RPH3AL: variants seen among roughly 807,000 people sequenced by gnomAD.
The protein encoded by RPH3AL is rabphilin 3A like (without C2 domains), also known as rab effector Noc2.
A neutral mutation model predicts 43.1 loss-of-function variants in RPH3AL; 38 were observed. That is an observed-to-expected ratio of 0.88 (90% CI 0.68 to 1.15). The LOEUF is 1.15. Ranked by LOEUF, RPH3AL falls within the 50% of genes most tolerant of loss-of-function variation. The pLI is 0.00. For synonymous variants in RPH3AL, 189 were observed against 176.3 expected (o/e 1.07, Z -0.57); for missense variants, 462 against 423.2 (o/e 1.09, Z -0.81).
chr17:307,090 C>A (rs373185680), intron 5 of RPH3AL, among the ~76,000 whole-genome samples: 6 of 152,258 alleles, frequency 3.9e-5, no homozygotes, highest in African/African-American at 1.4e-4. Context: ...AGGTCCTCCC[C>A]ACGGCAGGCC....
At chr17:270,378 G>C (rs1044933473) in intron 6 of RPH3AL, among the ~76,000 whole-genome samples, 2 of 152,204 alleles carry the variant, frequency 1.3e-5, no homozygotes, top group African/African-American at 4.8e-5. Context: ...TGCTGGGCTG[G>C]GGCTCGGCTA....
chr17:332,201 A>G (rs1276740196), intron 2 of RPH3AL: 1 of 317,022 alleles, frequency 3.2e-6, no homozygotes, highest in Admixed American at 4.3e-5. Context: ...TCCGTAAACT[A>G]GAGACGTGAT....
intron 2 of RPH3AL, chr17:331,498 G>A (rs1457262925): frequency 9.4e-6 from 11 of 1,164,084 alleles, no homozygotes; most frequent in East Asian, 5.9e-5. Flanking sequence ...CACCCTGGCC[G>A]TGGCTGGCAC....
At chr17:253,456 C>G (rs914474603) in intron 6 of RPH3AL, among the ~76,000 whole-genome samples, 1 of 152,158 alleles carries the variant, frequency 6.6e-6, no homozygotes, top group African/African-American at 2.4e-5. Flanking sequence ...TGCTCCTTTG[C>G]GGCACCGGAC....
At chr17:308,963 G>A (rs35621498) in intron 5 of RPH3AL, among the ~76,000 whole-genome samples, 79,989 of 151,912 alleles carry the variant, frequency 0.53, 22,884 homozygotes, top group East Asian at 0.68. Flanking sequence ...GTCACAAATC[G>A]CCACCATCTC....
rs189875325 is a variant in RPH3AL at position 317,952 on chromosome 17, G to T, written c.351+1468C>A. Among the ~76,000 whole-genome samples the T allele has an allele frequency of 8.3e-3, 861 of 103,118 alleles. 6 individuals carry two copies. Among genetic ancestry groups the T allele is most frequent in the Admixed American group, 0.018 (129 of 7,190 alleles). The allele number at this position is 103,118 out of a possible 152,430, so 67.6% of individuals were successfully genotyped here. On this transcript the variant is annotated intron_variant, in intron 5 of 9. Transcript: ENST00000331302. The stretch of plus-strand genomic sequence containing the variant: ...CATCCTCCACCCTCCACCCTCTGTT[G>T]TTTCTTCCCAGGGTTTATTATTTCC...
intron 1 of RPH3AL, among the ~76,000 whole-genome samples, chr17:343,448 CTCT>C (rs1267424330): frequency 6.6e-6 from 1 of 152,232 alleles, no homozygotes; most frequent in East Asian, 1.9e-4. Context: ...CTGATGAATT[CTCT>C]TCTTCTGACA....
At chr17:312,109 C>T (rs2043659969) in intron 5 of RPH3AL, among the ~76,000 whole-genome samples, 1 of 151,940 alleles carries the variant, frequency 6.6e-6, no homozygotes, top group Non-Finnish European at 1.5e-5. Flanking sequence ...AGAGACCAGC[C>T]CGGGCAACAA....
intron 5 of RPH3AL, among the ~76,000 whole-genome samples, chr17:301,486 G>T (rs1598047870): frequency 6.6e-6 from 1 of 152,098 alleles, no homozygotes; most frequent in African/African-American, 2.4e-5. Flanking sequence ...GTATTTTTTT[G>T]TAGAGAGGGG....
chr17:219,391 G>T (rs1219625911), intron 8 of RPH3AL, among the ~76,000 whole-genome samples: 1 of 151,060 alleles, frequency 6.6e-6, no homozygotes, highest in Non-Finnish European at 1.5e-5. Flanking sequence ...TAGAGGTGGG[G>T]TTTCACCATG....
At chr17:315,163 G>A (rs2043917946) in intron 5 of RPH3AL, among the ~76,000 whole-genome samples, 1 of 18,394 alleles carries the variant, frequency 5.4e-5, no homozygotes, top group Non-Finnish European at 9.9e-5. Context: ...TAGTCCCTGT[G>A]CCCCCACCTC....
chr17:307,310 T>A (rs868948680), intron 5 of RPH3AL, among the ~76,000 whole-genome samples: 3 of 2,132 alleles, frequency 1.4e-3, no homozygotes, highest in South Asian at 0.028. Context: ...CGGCAGGTCC[T>A]CCCCACGGCA....
rs369084559 is a variant in RPH3AL at position 330,047 on chromosome 17, C to T, written c.-36-2468G>A. 3.3e-5 allele frequency among the ~76,000 whole-genome samples: 5 copies of T among 152,312 alleles called. No homozygotes were observed. In the South Asian group the frequency reaches 1.0e-3, roughly 32 times the overall value. On this transcript the variant is annotated intron_variant, in intron 2 of 9. Transcript: ENST00000331302. The stretch of plus-strand genomic sequence containing the variant: ...GAAACACTTTTGACCTGTGGATCTC[C>T]GGAGGGTGTTGGGGGACCCCCAGAG...
chr17:324,643 T>C (rs12602158), intron 3 of RPH3AL, among the ~76,000 whole-genome samples: 52,268 of 151,610 alleles, frequency 0.34, 9,423 homozygotes, highest in East Asian at 0.45. Context: ...TCCCTAAACC[T>C]TCTGTCCACC....
chr17:231,453 T>G (rs2041229336), intron 7 of RPH3AL, among the ~76,000 whole-genome samples: 1 of 152,218 alleles, frequency 6.6e-6, no homozygotes, highest in South Asian at 2.1e-4. Flanking sequence ...GAGCCCCACG[T>G]GCAAGGCCAG....
intron 5 of RPH3AL, among the ~76,000 whole-genome samples, chr17:297,973 C>G (rs1263479456): frequency 6.6e-6 from 1 of 152,168 alleles, no homozygotes; most frequent in Non-Finnish European, 1.5e-5. Context: ...GCCCCCACCT[C>G]TCTCTAGTCC....
chr17:238,160 GAAGAGAGA>G (rs1051312466), intron 7 of RPH3AL, among the ~76,000 whole-genome samples: 2 of 127,094 alleles, frequency 1.6e-5, no homozygotes, highest in Admixed American at 8.4e-5. Flanking sequence ...AAGAAAGAAA[GAAGAGAGA>G]AAGAGAGAGA....
intron 5 of RPH3AL, among the ~76,000 whole-genome samples, chr17:302,133 C>T (rs1404570904): frequency 2.0e-5 from 3 of 152,240 alleles, no homozygotes; most frequent in Admixed American, 2.0e-4. Context: ...CGGCTCCCAG[C>T]CCAGCTGCTG....
intron 6 of RPH3AL, among the ~76,000 whole-genome samples, chr17:259,686 A>G (rs2042153897): frequency 6.6e-6 from 1 of 152,176 alleles, no homozygotes; most frequent in South Asian, 2.1e-4. Flanking sequence ...ATGCCATTTA[A>G]TGAGAAAAGA....
Sources: gnomAD v4.1 joint callset for allele counts (sites outside exome capture counted in the v4.1 genomes callset) on GRCh38, gnomAD v4.1.1 for gene constraint, MANE v1.5 for transcripts, NCBI Gene and HGNC (gene_info 2026-07-23, HGNC 2026-07-21) for gene names.